Variants in OR7E24 observed in about 807,000 individuals in gnomAD.
OR7E24 encodes olfactory receptor 7E24.
For missense variants in OR7E24, 385 were observed against 410.3 expected (o/e 0.94, Z 0.53); for synonymous variants, 130 against 157.5 (o/e 0.83, Z 1.31).
chr19:9,215,362 A>C, the OR7E24 span, among the ~76,000 whole-genome samples: 1 of 151,322 alleles, frequency 6.6e-6, no homozygotes, highest in Non-Finnish European at 1.5e-5. Context: ...AAAAAAAAAA[A>C]AAACCTCTTT....
chr19:9,235,323 A>C, the OR7E24 span: 14 of 1,284,238 alleles, frequency 1.1e-5, no homozygotes, highest in Admixed American at 1.7e-5. Context: ...GCCCCATGTA[A>C]TTCTTCCTCT....
the OR7E24 span, among the ~76,000 whole-genome samples, chr19:9,228,123 A>T: frequency 6.6e-6 from 1 of 152,110 alleles, no homozygotes; most frequent in Non-Finnish European, 1.5e-5. Context: ...GAACTAATTT[A>T]TACCTCCACC....
the OR7E24 span, among the ~76,000 whole-genome samples, chr19:9,232,105 G>A: frequency 3.3e-5 from 5 of 152,088 alleles, no homozygotes; most frequent in Non-Finnish European, 7.4e-5. Flanking sequence ...AAAAAATCAA[G>A]CTGCAGACAT....
chr19:9,234,319 G>C, the OR7E24 span, among the ~76,000 whole-genome samples: 1 of 152,134 alleles, frequency 6.6e-6, no homozygotes, highest in Non-Finnish European at 1.5e-5. Flanking sequence ...TTGGAAGAGT[G>C]ATATATCCAA....
At chr19:9,214,789 G>A in the OR7E24 span, 240 of 1,612,430 alleles carry the variant, frequency 1.5e-4, 5 homozygotes, top group Middle Eastern at 5.5e-3. Flanking sequence ...TCATCTGAGA[G>A]TCCCAGGAGG....
the OR7E24 span, among the ~76,000 whole-genome samples, chr19:9,232,689 C>T: frequency 1.3e-5 from 2 of 152,110 alleles, no homozygotes; most frequent in African/African-American, 4.8e-5. Flanking sequence ...CTGGAAGACC[C>T]ACTCGGCAGC....
chr19:9,210,998 T>C, the OR7E24 span: 3 of 152,256 alleles, frequency 2.0e-5, no homozygotes, highest in East Asian at 5.8e-4. Context: ...TTTCTGACAG[T>C]ACAATGTCTT....
chr19:9,244,240 G>A (rs1431992824), upstream of OR7E24, among the ~76,000 whole-genome samples: 1 of 152,166 alleles, frequency 6.6e-6, no homozygotes, highest in Non-Finnish European at 1.5e-5. Context: ...TTGAAAAAAT[G>A]TATAAATCCA....
At chr19:9,219,572 G>T in the OR7E24 span, 1 of 152,062 alleles carries the variant, frequency 6.6e-6, no homozygotes, top group Non-Finnish European at 1.5e-5. Flanking sequence ...TCTTCTACAC[G>T]ATCTGTTCCT....
At chr19:9,239,174 C>CT in the OR7E24 span, among the ~76,000 whole-genome samples, 1,570 of 145,962 alleles carry the variant, frequency 0.011, 21 homozygotes, top group African/African-American at 0.032. Context: ...TACAATTCAA[C>CT]TTTTTTTTTT....
the OR7E24 span, chr19:9,214,849 G>A: frequency 2.6e-6 from 4 of 1,555,148 alleles, no homozygotes; most frequent in South Asian, 1.2e-5. Context: ...TAGCTGTTGT[G>A]TCTGCTGGGG....
upstream of OR7E24, among the ~76,000 whole-genome samples, chr19:9,247,724 T>A (rs564066325): frequency 6.6e-6 from 1 of 152,340 alleles, no homozygotes; most frequent in South Asian, 2.1e-4. Flanking sequence ...TACATTTCCA[T>A]ACTCCCTTAC....
At chr19:9,245,221 G>GA (rs140870634), upstream of OR7E24, among the ~76,000 whole-genome samples, 1,367 of 143,354 alleles carry the variant, frequency 9.5e-3, 17 homozygotes, top group African/African-American at 0.032. Context: ...TCTCAATAAA[G>GA]AAAAAAAAAA....
chr19:9,247,509 C>T (rs574095006), upstream of OR7E24: 193 of 398,732 alleles, frequency 4.8e-4, no homozygotes, highest in African/African-American at 3.4e-3. Flanking sequence ...AGAGGGGAAG[C>T]GCAGCTCAGT....
At chr19:9,214,560 G>A in the OR7E24 span, 2 of 1,614,062 alleles carry the variant, frequency 1.2e-6, no homozygotes, top group Admixed American at 3.3e-5. Context: ...CCCCATGTAG[G>A]AGATGTCTTT....
At chr19:9,227,659 A>C in the OR7E24 span, among the ~76,000 whole-genome samples, 17 of 152,196 alleles carry the variant, frequency 1.1e-4, no homozygotes, top group African/African-American at 4.1e-4. Flanking sequence ...GCTGCAGTGA[A>C]CATATACATC....
chr19:9,207,208 G>A, the OR7E24 span: 4 of 152,290 alleles, frequency 2.6e-5, no homozygotes, highest in East Asian at 5.8e-4. Flanking sequence ...TCACTCTTGT[G>A]CGTACTGAAA....
At position 9,251,866 on chromosome 19, in the gene OR7E24, G is replaced by A. The variant is rs888942705; in HGVS notation, c.823G>A (p.Val275Ile). The A allele has an allele frequency of 6.2e-7, 1 of 1,614,016 alleles. No homozygotes were observed. Among genetic ancestry groups the A allele is most frequent in the Admixed American group, 1.7e-5 (1 of 59,996 alleles). Residue 275 changes from valine to isoleucine, a missense_variant, in exon 1 of 1, where the codon GTA becomes ATA. Coordinates refer to ENST00000456448, the MANE Select transcript of OR7E24 (RefSeq NM_001079935.2). ...TTGCTTATTTTATGGAACAGGGCTT[G>A]TAGGGTACCTCAGTTCAGCTGTGTT... ...VVCLFYGTGLVGYLSSAVLPS... is the reference protein window; with the variant it reads ...VVCLFYGTGLIGYLSSAVLPS...
the OR7E24 span, among the ~76,000 whole-genome samples, chr19:9,238,537 C>T: frequency 6.6e-6 from 1 of 152,138 alleles, no homozygotes; most frequent in Admixed American, 6.6e-5. Flanking sequence ...CAAATATTCC[C>T]CACCCATTTG....
Sources: allele counts gnomAD v4.1 joint callset (sites outside exome capture counted in the v4.1 genomes callset), GRCh38; gene constraint gnomAD v4.1.1; transcripts MANE v1.5; gene names NCBI Gene and HGNC (gene_info 2026-07-23, HGNC 2026-07-21).